GRIN3A: variants seen among roughly 807,000 people sequenced by gnomAD.
GRIN3A encodes glutamate receptor ionotropic, NMDA 3A.
A neutral mutation model predicts 92.4 loss-of-function variants in GRIN3A; 47 were observed. The observed-to-expected ratio is 0.51, with a 90% confidence interval of 0.40 to 0.65. GRIN3A has a LOEUF of 0.65. GRIN3A is among the 30% of genes least tolerant of loss of function. The pLI, the probability that GRIN3A is intolerant of heterozygous loss-of-function variation, is 0.00. For missense variants in GRIN3A, 1,324 were observed against 1,393.1 expected, an observed-to-expected ratio of 0.95 and a Z score of 0.79; for synonymous variants, 527 against 540.6, an observed-to-expected ratio of 0.97 and a Z score of 0.35.
At chr9:101,617,631 T>G (rs62577395) in intron 5 of GRIN3A, among the ~76,000 whole-genome samples, 4 of 151,524 alleles carry the variant, frequency 2.6e-5, no homozygotes, top group Admixed American at 1.3e-4. Context: ...TTTATTTATT[T>G]TGTGTGTGTG....
At chr9:101,706,200 A>G (rs147785384) in intron 1 of GRIN3A, among the ~76,000 whole-genome samples, 28 of 152,274 alleles carry the variant, frequency 1.8e-4, no homozygotes, top group African/African-American at 6.5e-4. Context: ...ATACTACTTG[A>G]ACTTCCTTTT....
intron 6 of GRIN3A, among the ~76,000 whole-genome samples, chr9:101,596,327 A>G (rs866305959): frequency 6.6e-6 from 1 of 152,174 alleles, no homozygotes; most frequent in Non-Finnish European, 1.5e-5. Flanking sequence ...CCCTTTCCCA[A>G]TTAGACTGTT....
chr9:101,594,224 T>TG, intron 6 of GRIN3A: 1 of 732,134 alleles, frequency 1.4e-6, no homozygotes. Context: ...TAGGGTACCC[T>TG]GAGTCATTCA....
At chr9:101,626,598 C>A (rs1182761065) in intron 4 of GRIN3A, among the ~76,000 whole-genome samples, 2 of 152,138 alleles carry the variant, frequency 1.3e-5, no homozygotes, top group African/African-American at 4.8e-5. Flanking sequence ...TCACCTCAAT[C>A]AGTGAATTGC....
intron 3 of GRIN3A, among the ~76,000 whole-genome samples, chr9:101,645,531 A>T (rs536501028): frequency 3.5e-4 from 53 of 151,742 alleles, no homozygotes; most frequent in African/African-American, 1.2e-3. Flanking sequence ...GCTGGATCTT[A>T]TGGTATGATT....
chr9:101,617,442 T>C (rs1056922766), intron 5 of GRIN3A, among the ~76,000 whole-genome samples: 1 of 152,090 alleles, frequency 6.6e-6, no homozygotes, highest in Non-Finnish European at 1.5e-5. Context: ...ATGAAAAAGC[T>C]ATGTTGAAGT....
intron 1 of GRIN3A, among the ~76,000 whole-genome samples, chr9:101,708,682 A>G (rs1174016353): frequency 6.6e-6 from 1 of 152,206 alleles, no homozygotes; most frequent in Non-Finnish European, 1.5e-5. Flanking sequence ...CAAAGCATAA[A>G]TCTTCAGAAA....
chr9:101,736,714 G>C (rs187436871), intron 1 of GRIN3A, among the ~76,000 whole-genome samples: 41 of 152,250 alleles, frequency 2.7e-4, no homozygotes, highest in East Asian at 1.2e-3. Context: ...TTCTGTACTA[G>C]GTGCAGATTT....
At chr9:101,633,278 T>C (rs1264410292) in intron 3 of GRIN3A, among the ~76,000 whole-genome samples, 1 of 152,176 alleles carries the variant, frequency 6.6e-6, no homozygotes, top group Non-Finnish European at 1.5e-5. Flanking sequence ...CTGGACCTGG[T>C]ATTATGTTCT....
chr9:101,737,217 C>G, intron 1 of GRIN3A, 64 bp downstream of exon 1: 1 of 1,373,172 alleles, frequency 7.3e-7, no homozygotes, highest in Non-Finnish European at 1.0e-6. Context: ...TTTCTCTCCC[C>G]TCATGCAATG....
intron 1 of GRIN3A, among the ~76,000 whole-genome samples, chr9:101,723,879 T>TAG (rs2119032524): frequency 6.6e-6 from 1 of 152,110 alleles, no homozygotes; most frequent in African/African-American, 2.4e-5. Flanking sequence ...ATCCCTGGAC[T>TAG]AGACATAAAG....
chr9:101,659,688 A>T (rs1829145971), intron 3 of GRIN3A, among the ~76,000 whole-genome samples: 1 of 151,948 alleles, frequency 6.6e-6, no homozygotes, highest in Middle Eastern at 3.4e-3. Context: ...TTTAAGAGAA[A>T]GGTTGGCAAA....
intron 3 of GRIN3A, among the ~76,000 whole-genome samples, chr9:101,661,968 T>G (rs1331340863): frequency 6.6e-6 from 1 of 151,916 alleles, no homozygotes. Context: ...TTAAATTTCT[T>G]TATTAATTGT....
At chr9:101,720,061 C>A (rs537087324) in intron 1 of GRIN3A, among the ~76,000 whole-genome samples, 47 of 152,158 alleles carry the variant, frequency 3.1e-4, no homozygotes, top group African/African-American at 1.1e-3. Flanking sequence ...AATTATGAAA[C>A]CCTGCTCTTT....
intron 1 of GRIN3A, among the ~76,000 whole-genome samples, chr9:101,688,040 A>G (rs1202969114): frequency 6.6e-6 from 1 of 152,230 alleles, no homozygotes; most frequent in Non-Finnish European, 1.5e-5. Flanking sequence ...ACATCCTGAC[A>G]ATGTTTAGCA....
intron 8 of GRIN3A, among the ~76,000 whole-genome samples, chr9:101,576,363 A>G (rs1385824610): frequency 6.6e-6 from 1 of 152,180 alleles, no homozygotes; most frequent in African/African-American, 2.4e-5. Flanking sequence ...GGCACAGGAA[A>G]TGTGAGCCCA....
chr9:101,608,172 AT>A (rs1234895746), intron 6 of GRIN3A, among the ~76,000 whole-genome samples: 1 of 152,088 alleles, frequency 6.6e-6, no homozygotes, highest in African/African-American at 2.4e-5. Context: ...TGGCCCTCCT[AT>A]CTCTACACAC....
chr9:101,733,245 G>C (rs1248440516), intron 1 of GRIN3A, among the ~76,000 whole-genome samples: 2 of 152,166 alleles, frequency 1.3e-5, no homozygotes, highest in Non-Finnish European at 2.9e-5. Flanking sequence ...CAAGCACAAA[G>C]TAAAGCGGGA....
rs896824633 is a variant in GRIN3A, at chr9:101,569,774, T to C, written c.*3400A>G. On this transcript the variant is annotated 3_prime_UTR_variant, in exon 9 of 9. Coordinates refer to ENST00000361820, the MANE Select transcript of GRIN3A (RefSeq NM_133445.3). ...TTTTCTGTTTTTCCTATCAAAAATATGAGTTGGGAGAAAAAGAGGCTCTAA... is the reference window on the plus strand; with the variant it reads ...TTTTCTGTTTTTCCTATCAAAAATACGAGTTGGGAGAAAAAGAGGCTCTAA... 1.3e-5 allele frequency: 2 copies of C among 152,202 alleles called. No individual in the cohort carries two copies. Among genetic ancestry groups the C allele is most frequent in the African/African-American group, 4.8e-5 (2 of 41,452 alleles). 9.4% of individuals were successfully genotyped at this position (152,202 alleles called of 1,614,324 possible).
Sources: allele counts gnomAD v4.1 joint callset (sites outside exome capture counted in the v4.1 genomes callset), GRCh38; gene constraint gnomAD v4.1.1; transcripts MANE v1.5; gene names NCBI Gene and HGNC (gene_info 2026-07-23, HGNC 2026-07-21).